NCAN: variants seen among roughly 807,000 people sequenced by gnomAD.
NCAN encodes neurocan, also known as neurocan core protein.
In NCAN, 47 loss-of-function variants were observed where a neutral mutation model predicts 121.8. That is an observed-to-expected ratio of 0.39 (90% CI 0.31 to 0.49). The LOEUF (loss-of-function observed/expected upper bound fraction) is 0.49. NCAN is among the 20% of genes least tolerant of loss of function. NCAN has a pLI of 0.92. For synonymous variants in NCAN, 633 were observed against 702.0 expected, an observed-to-expected ratio of 0.90 and a Z score of 1.55; for missense variants, 1,517 against 1,773.4, an observed-to-expected ratio of 0.86 and a Z score of 2.60.
rs757463600 is a variant in NCAN at position 19,238,377 on chromosome 19, C to T, written c.3375C>T (p.Ser1125=). ...DCRRRSGHLT[S]VHSPEEHSFI... ...GCCGCCGCTCCGGCCACCTGACCAG[C>T]GTCCACTCACCGGAGGAACACAGCT... The change falls in exon 11 of 15, where the codon AGC becomes AGT. Residue 1125 remains serine (S), a synonymous_variant. Coordinates refer to ENST00000252575, the MANE Select transcript of NCAN (RefSeq NM_004386.3). 68 of 1,614,032 alleles carry T rather than the reference C, an allele frequency of 4.2e-5. No homozygotes were observed. Among genetic ancestry groups the T allele is most frequent in the East Asian group, 3.8e-4 (17 of 44,892 alleles).
At chr19:19,238,183 G>C in intron 10 of NCAN, 70 bp from the exon 11 acceptor site, 1 of 1,598,946 alleles carries the variant, frequency 6.3e-7, no homozygotes, top group South Asian at 1.1e-5. Context: ...CTGGTGGGCT[G>C]GCTGTGCTCA....
intron 10 of NCAN, among the ~76,000 whole-genome samples, chr19:19,235,698 T>C (rs940816386): frequency 1.3e-5 from 2 of 151,894 alleles, no homozygotes; most frequent in Non-Finnish European, 2.9e-5. Context: ...TACCTCAGCC[T>C]CCCGAGTAGC....
At chr19:19,219,902 C>T (rs1249255757) in intron 3 of NCAN, among the ~76,000 whole-genome samples, 1 of 151,120 alleles carries the variant, frequency 6.6e-6, no homozygotes. Flanking sequence ...TGATGCATGC[C>T]TGTGATCCCA....
intron 8 of NCAN, among the ~76,000 whole-genome samples, chr19:19,230,551 C>CA (rs1255510475): frequency 6.6e-6 from 1 of 151,478 alleles, no homozygotes; most frequent in Non-Finnish European, 1.5e-5. Context: ...ACCAGGTGTG[C>CA]ACCAACAGGC....
chr19:19,243,702 A>C (rs1166633728), intron 12 of NCAN, among the ~76,000 whole-genome samples: 2 of 151,890 alleles, frequency 1.3e-5, no homozygotes, highest in Non-Finnish European at 2.9e-5. Context: ...GTCTCAACAA[A>C]ATAAAAATAA....
At position 19,225,173 on chromosome 19, in the gene NCAN, CG is replaced by C. The variant is rs1476335962; in HGVS notation, c.980del (p.Gly327AlafsTer42). On this transcript the variant is annotated frameshift_variant, in exon 6 of 15. Coordinates refer to ENST00000252575, the MANE Select transcript of NCAN (RefSeq NM_004386.3). LOFTEE classifies it high-confidence loss of function. This position sits in a 1 kb window ranked among gnomAD's most constrained non-coding sequence, Gnocchi z 4.0. ...CGATCCAGACGCCGCGCCGGCGCTG[CG>C]GGGGCCCAGCCCCGGGCGTGCGCAC... is the stretch of plus-strand genomic sequence containing the variant. ...YPIQTPRRRC[G>X]GPAPGVRTVY... The C allele has an allele frequency of 1.3e-6, 2 of 1,536,648 alleles. No individual in the cohort carries two copies. The highest frequency in any genetic ancestry group is 2.8e-5 in the African/African-American group (2 of 70,424).
chr19:19,221,019 G>GT (rs765476861), intron 3 of NCAN, among the ~76,000 whole-genome samples: 2 of 152,054 alleles, frequency 1.3e-5, no homozygotes, highest in Non-Finnish European at 1.5e-5. Flanking sequence ...AATCACTTAA[G>GT]CTCAGGAGTT....
At chr19:19,238,172 T>C (rs1415184706) in intron 10 of NCAN, 81 bp from the exon 11 acceptor site, 8 of 1,583,950 alleles carry the variant, frequency 5.1e-6, no homozygotes, top group African/African-American at 1.3e-5. Context: ...GGGCCCTCTC[T>C]CTGGTGGGCT....
intron 13 of NCAN, among the ~76,000 whole-genome samples, chr19:19,246,116 C>T (rs908726239): frequency 2.0e-4 from 30 of 152,280 alleles, no homozygotes; most frequent in Admixed American, 1.5e-3. Flanking sequence ...TGGCTCACTT[C>T]AACCTCTGCC....
chr19:19,237,501 AT>A lies in NCAN; in HGVS notation c.3251-748del, dbSNP rs549740164. ...CAGACTCCATCTCAAAAAAAAAAAAATTTTATATATATATATCTCCATCCTA... is the reference window on the plus strand; with the variant it reads ...CAGACTCCATCTCAAAAAAAAAAAAATTTATATATATATATCTCCATCCTA... On this transcript the variant is annotated intron_variant, in intron 10 of 14. Coordinates refer to ENST00000252575, the MANE Select transcript of NCAN (RefSeq NM_004386.3). 7.2e-3 allele frequency among the ~76,000 whole-genome samples: 1,073 copies of A among 148,760 alleles called. 10 individuals carry two copies. Among genetic ancestry groups the A allele is most frequent in the African/African-American group, 0.022 (905 of 40,696 alleles).
At chr19:19,214,278 C>A (rs1203912410) in intron 1 of NCAN, among the ~76,000 whole-genome samples, 1 of 152,172 alleles carries the variant, frequency 6.6e-6, no homozygotes, top group South Asian at 2.1e-4. Context: ...TCCTCCAGCA[C>A]CCCGCAGGCC....
chr19:19,226,780 G>A lies in NCAN; in HGVS notation c.1367G>A (p.Ser456Asn). The part of the protein sequence containing the change: ...VWLSTVAPSP[S>N]DMGAGTAASS... ...CTAAGCACGGTGGCCCCCAGCCCTA[G>A]CGACATGGGGGCAGGCACTGCAGCA... Residue 456 changes from serine to asparagine, a missense_variant, in exon 7 of 15, where the codon AGC becomes AAC. Transcript: ENST00000252575. The A allele has an allele frequency of 6.2e-7, 1 of 1,613,406 alleles. No individual in the cohort carries two copies. Among genetic ancestry groups the A allele is most frequent in the Non-Finnish European group, 8.5e-7 (1 of 1,179,960 alleles).
chr19:19,220,629 T>C (rs2060813317), intron 3 of NCAN, among the ~76,000 whole-genome samples: 1 of 152,014 alleles, frequency 6.6e-6, no homozygotes, highest in African/African-American at 2.4e-5. Flanking sequence ...GGCTAATTTT[T>C]TGTATTTTTA....
chr19:19,214,129 T>C (rs1281613236), intron 1 of NCAN, among the ~76,000 whole-genome samples: 1 of 152,114 alleles, frequency 6.6e-6, no homozygotes, highest in Non-Finnish European at 1.5e-5. Flanking sequence ...AAATGCCCAT[T>C]GGCAAACTCA....
Position 19,226,481 on chromosome 19 carries a change from C to T in NCAN, c.1073-5C>T. The T allele has an allele frequency of 1.9e-6, 3 of 1,562,124 alleles. No individual in the cohort carries two copies. Among genetic ancestry groups the T allele is most frequent in the Non-Finnish European group, 2.6e-6 (3 of 1,151,272 alleles). On this transcript the variant is annotated splice_polypyrimidine_tract_variant and splice_region_variant and intron_variant, in intron 6 of 14. Transcript: ENST00000252575. ...TAACACAACCTCTTCTGCTTTCTCC[C>T]ACAGCTCATCACCCCACGTCACAAC...
chr19:19,230,883 C>CTG (rs367759381), intron 8 of NCAN, among the ~76,000 whole-genome samples: 16,043 of 121,630 alleles, frequency 0.13, 1,087 homozygotes, highest in African/African-American at 0.15. Flanking sequence ...CCACACCCGG[C>CTG]TGTGTGTGTG....
At chr19:19,244,424 C>T (rs888336270) in intron 12 of NCAN, among the ~76,000 whole-genome samples, 1 of 149,788 alleles carries the variant, frequency 6.7e-6, no homozygotes, top group East Asian at 2.0e-4. Flanking sequence ...TCTCCTGCTT[C>T]AGCATCCCGA....
Position 19,238,361 on chromosome 19 carries a change from C to T in NCAN, c.3359C>T (p.Ser1120Phe), listed in dbSNP as rs199989580. Residue 1120 changes from serine (S) to phenylalanine (F), a missense_variant, in exon 11 of 15, where the codon TCC (serine) becomes TTC (phenylalanine). Ser to Phe is a radical substitution (Grantham distance 155, BLOSUM62 -2). Coordinates refer to ENST00000252575, the MANE Select transcript of NCAN (RefSeq NM_004386.3). ...EDAEKDCRRR[S>F]GHLTSVHSPE... Reference sequence around the variant, plus strand: ...GCCGAGAAGGACTGCCGCCGCCGCTCCGGCCACCTGACCAGCGTCCACTCA... The same window carrying T: ...GCCGAGAAGGACTGCCGCCGCCGCTTCGGCCACCTGACCAGCGTCCACTCA... 2.0e-5 allele frequency: 32 copies of T among 1,614,076 alleles called. No homozygotes were observed. The highest frequency in any genetic ancestry group is 2.7e-5 in the African/African-American group (2 of 74,938).
intron 5 of NCAN, among the ~76,000 whole-genome samples, chr19:19,224,757 A>G (rs2060829261): frequency 6.6e-6 from 1 of 151,062 alleles, no homozygotes; most frequent in Non-Finnish European, 1.5e-5. Flanking sequence ...CGACTTGCCC[A>G]TGGGCCTGAG....
Sources: gnomAD v4.1 joint callset for allele counts (sites outside exome capture counted in the v4.1 genomes callset) on GRCh38, gnomAD v4.1.1 for gene constraint, Gnocchi (gnomAD v3.1) non-coding constraint, MANE v1.5 for transcripts, NCBI Gene and HGNC (gene_info 2026-07-23, HGNC 2026-07-21) for gene names.